Variants in LRP2BP observed in about 807,000 individuals in gnomAD.
LRP2BP encodes the protein LRP2 binding protein.
LRP2BP carries 38 observed loss-of-function variants against 45.2 expected under a neutral mutation model. The observed-to-expected ratio is 0.84, with a 90% CI of 0.65 to 1.10. The LOEUF is 1.10. Ranked by LOEUF, LRP2BP falls within the 50% of genes least tolerant of loss-of-function variation. The pLI is 0.00. For synonymous variants in LRP2BP, 153 were observed against 153.9 expected, an observed-to-expected ratio of 0.99 and a Z score of 0.04; for missense variants, 385 against 418.9, an observed-to-expected ratio of 0.92 and a Z score of 0.71.
intron 1 of LRP2BP, among the ~76,000 whole-genome samples, chr4:185,387,589 G>T (rs927966932): frequency 4.6e-5 from 7 of 152,112 alleles, no homozygotes; most frequent in African/African-American, 2.4e-5. Flanking sequence ...TTTTTGAATT[G>T]CAAGTAAGAG....
chr4:185,387,058 C>T (rs549695385), intron 1 of LRP2BP, among the ~76,000 whole-genome samples: 1 of 152,174 alleles, frequency 6.6e-6, no homozygotes, highest in East Asian at 1.9e-4. Flanking sequence ...CCAGCCTGGC[C>T]AACATGGTGA....
At chr4:185,371,520 C>T (rs992018419) in intron 7 of LRP2BP, among the ~76,000 whole-genome samples, 6 of 121,708 alleles carry the variant, frequency 4.9e-5, no homozygotes, top group Admixed American at 3.3e-4. Context: ...CCAGCCTGGG[C>T]AACAGAGCGA....
At chr4:185,393,018 C>T (rs935600216) in intron 1 of LRP2BP, among the ~76,000 whole-genome samples, 2 of 152,230 alleles carry the variant, frequency 1.3e-5, no homozygotes, top group African/African-American at 4.8e-5. Context: ...ACTGCAACCT[C>T]TGCTTCCTGG....
Position 185,375,650 on chromosome 4 carries a change from A to C in LRP2BP, c.293T>G (p.Val98Gly). Reference sequence around the variant, plus strand: ...GGTCCCCAGCCCATCATAGTACATCACTCCTAGCTGGTAAGTTGCTTGATG... The same window carrying C: ...GGTCCCCAGCCCATCATAGTACATCCCTCCTAGCTGGTAAGTTGCTTGATG... ...KDHQATYQLG[V>G]MYYDGLGTTL... is the part of the protein sequence containing the mutation. The change falls in exon 4 of 9, where the codon GTG (valine) becomes GGG (glycine). Residue 98 changes from valine (V) to glycine (G), a missense_variant. Transcript: ENST00000505916. 6.2e-7 allele frequency: 1 copy of C among 1,610,202 alleles called. No individual in the cohort carries two copies. The highest frequency in any genetic ancestry group is 8.5e-7 in the Non-Finnish European group (1 of 1,178,788).
chr4:185,389,883 G>A (rs1025277210), intron 1 of LRP2BP, among the ~76,000 whole-genome samples: 1 of 152,066 alleles, frequency 6.6e-6, no homozygotes, highest in African/African-American at 2.4e-5. Context: ...AATACCATGT[G>A]CACTTTATAC....
intron 3 of LRP2BP, 105 bp downstream of exon 3, chr4:185,376,804 G>T: frequency 1.3e-6 from 1 of 744,860 alleles, no homozygotes. Flanking sequence ...TAATTGGACA[G>T]AATTTCCCTA....
At chr4:185,387,493 A>G (rs1474092371) in intron 1 of LRP2BP, among the ~76,000 whole-genome samples, 2 of 152,182 alleles carry the variant, frequency 1.3e-5, no homozygotes, top group East Asian at 3.8e-4. Context: ...TGGAATAAAC[A>G]CTAAATACAG....
chr4:185,372,549 T>C (rs1198354867), intron 7 of LRP2BP, among the ~76,000 whole-genome samples: 1 of 152,230 alleles, frequency 6.6e-6, no homozygotes, highest in Non-Finnish European at 1.5e-5. Context: ...ACATTACTGC[T>C]ATGGTTTGAC....
At chr4:185,371,364 C>T (rs985795221) in intron 7 of LRP2BP, among the ~76,000 whole-genome samples, 1 of 151,672 alleles carries the variant, frequency 6.6e-6, no homozygotes, top group South Asian at 2.1e-4. Context: ...ATGGTGAAAC[C>T]CCGTCTCTAC....
chr4:185,367,655 A>G (rs1487936841), intron 8 of LRP2BP, among the ~76,000 whole-genome samples: 2 of 152,206 alleles, frequency 1.3e-5, no homozygotes, highest in Non-Finnish European at 2.9e-5. Context: ...TTATGTCTAA[A>G]TAGTGACAAG....
intron 1 of LRP2BP, among the ~76,000 whole-genome samples, chr4:185,382,879 AAAAG>A (rs1216134199): frequency 6.6e-6 from 1 of 152,150 alleles, no homozygotes; most frequent in Non-Finnish European, 1.5e-5. Context: ...TGTCACATCT[AAAAG>A]AAACCATTGC....
At chr4:185,388,428 A>ATCTAC (rs2095477947) in intron 1 of LRP2BP, among the ~76,000 whole-genome samples, 1 of 152,072 alleles carries the variant, frequency 6.6e-6, no homozygotes, top group African/African-American at 2.4e-5. Context: ...TTTTCCTTTT[A>ATCTAC]CTATCTATCT....
chr4:185,377,798 G>A (rs1022142484), intron 2 of LRP2BP: 1 of 290,192 alleles, frequency 3.4e-6, no homozygotes, highest in South Asian at 9.0e-5. Flanking sequence ...GCCTGGCATT[G>A]TTCTCTTTAA....
chr4:185,374,708 T>G (rs1378897669), intron 4 of LRP2BP, among the ~76,000 whole-genome samples: 1 of 152,150 alleles, frequency 6.6e-6, no homozygotes, highest in Non-Finnish European at 1.5e-5. Context: ...TTCCTTCCTT[T>G]TACAGCTGCC....
intron 7 of LRP2BP, 172 bp from the exon 8 acceptor site, chr4:185,370,986 A>G (rs1369169000): frequency 6.7e-6 from 4 of 592,606 alleles, no homozygotes. Context: ...ATACCAGGAG[A>G]AGATGAGCTT....
Position 185,395,737 on chromosome 4 carries a change from G to C in LRP2BP, c.-980C>G, listed in dbSNP as rs1386924031. ...TACAAAACAAAAAGTAGAATGAAAA[G>C]ACCACTTATCTTTAGAGGACAAGCA... On this transcript the variant is annotated 5_prime_UTR_variant, in exon 1 of 9. Coordinates refer to ENST00000505916, the MANE Select transcript of LRP2BP (RefSeq NM_001377440.1). 5.1e-6 allele frequency: 5 copies of C among 985,222 alleles called. No homozygotes were observed. The highest frequency in any genetic ancestry group is 6.0e-6 in the Non-Finnish European group (5 of 829,912). The allele number at this position is 985,222 out of a possible 1,614,324, so 61.0% of individuals were successfully genotyped here. A position where few individuals can be genotyped will look rare whatever the true frequency, so the allele number is the denominator to read the frequency against.
rs1366319990 is a variant in LRP2BP at position 185,395,240 on chromosome 4, CAG to C, written c.-485_-484del. 1.0e-6 allele frequency: 1 copy of C among 985,266 alleles called. No homozygotes were observed. Among genetic ancestry groups the C allele is most frequent in the Non-Finnish European group, 1.2e-6 (1 of 829,912 alleles). The allele number at this position is 985,266 out of a possible 1,614,324, so 61.0% of individuals were successfully genotyped here. A position where few individuals can be genotyped will look rare whatever the true frequency, so the allele number is the denominator to read the frequency against. The stretch of plus-strand genomic sequence containing the variant: ...TAACTACCACTTAATGCATACTGAA[CAG>C]AATCTTGTTTCAAAGAAAAGATATG... On this transcript the variant is annotated 5_prime_UTR_variant, in exon 1 of 9. Coordinates refer to ENST00000505916, the MANE Select transcript of LRP2BP (RefSeq NM_001377440.1).
intron 1 of LRP2BP, among the ~76,000 whole-genome samples, chr4:185,384,371 A>G (rs897003940): frequency 2.0e-5 from 3 of 152,186 alleles, no homozygotes; most frequent in Non-Finnish European, 2.9e-5. Flanking sequence ...GAATTTTGTT[A>G]TAGAAGGAGG....
At chr4:185,378,472 A>T (rs910936160) in intron 1 of LRP2BP, 6 of 1,203,708 alleles carry the variant, frequency 5.0e-6, no homozygotes, top group Non-Finnish European at 6.2e-6. Context: ...CTGTCTGGCT[A>T]TGGGTTTATA....
Sources: allele counts gnomAD v4.1 joint callset (sites outside exome capture counted in the v4.1 genomes callset), GRCh38; gene constraint gnomAD v4.1.1; transcripts MANE v1.5; gene names NCBI Gene and HGNC (gene_info 2026-07-23, HGNC 2026-07-21).